ASAP2: variants seen among roughly 807,000 people sequenced by gnomAD.
The protein encoded by ASAP2 is ArfGAP with SH3 domain, ankyrin repeat and PH domain 2.
ASAP2 carries 45 observed loss-of-function variants against 131.4 expected under a neutral mutation model. The ratio of observed to expected loss-of-function variants is 0.34; its 90% confidence interval spans 0.27 to 0.44. The LOEUF is 0.44. Ranked by LOEUF, ASAP2 falls within the 20% of genes least tolerant of loss-of-function variation. ASAP2 has a pLI of 1.00. For synonymous variants in ASAP2, 510 were observed against 503.0 expected, an observed-to-expected ratio of 1.01 and a Z score of -0.19; for missense variants, 1,011 against 1,297.0, an observed-to-expected ratio of 0.78 and a Z score of 3.39.
At chr2:9,249,585 A>T (rs1461636740) in intron 1 of ASAP2, among the ~76,000 whole-genome samples, 2 of 152,234 alleles carry the variant, frequency 1.3e-5, no homozygotes, top group Non-Finnish European at 2.9e-5. Flanking sequence ...AGGAAATGCC[A>T]GGCTGACCCA....
At chr2:9,218,165 C>T (rs1485607736) in intron 1 of ASAP2, among the ~76,000 whole-genome samples, 8 of 152,138 alleles carry the variant, frequency 5.3e-5, no homozygotes, top group Admixed American at 2.0e-4. Context: ...ACCTGTCAGT[C>T]TCCTGCTGGG....
Position 9,323,256 on chromosome 2 carries a change from G to A in ASAP2, c.600+6G>A. 1 of 1,614,160 alleles carries A rather than the reference G, an allele frequency of 6.2e-7. No homozygotes were observed. The highest frequency in any genetic ancestry group is 1.3e-5 in the African/African-American group (1 of 75,066). ...TCCAGCTACAGATGTGCGAGGTAAGGCGGTGGTGAAGGCAGGTCCTACAGC... is the reference window on the plus strand; with the variant it reads ...TCCAGCTACAGATGTGCGAGGTAAGACGGTGGTGAAGGCAGGTCCTACAGC... On this transcript the variant is annotated splice_donor_region_variant and intron_variant, in intron 6 of 27. Transcript: ENST00000281419.
intron 1 of ASAP2, among the ~76,000 whole-genome samples, chr2:9,254,349 T>G (rs958618574): frequency 7.4e-6 from 1 of 135,284 alleles, no homozygotes; most frequent in African/African-American, 2.8e-5. Flanking sequence ...ATTTATAAAC[T>G]AAACTTTTTT....
chr2:9,334,688 T>A (rs1558341195), intron 7 of ASAP2, 50 bp from the exon 8 acceptor site: 1 of 1,551,686 alleles, frequency 6.4e-7, no homozygotes, highest in Non-Finnish European at 8.9e-7. Context: ...CTGACAAAAT[T>A]ATTTTTTCCT....
Position 9,224,877 on chromosome 2 carries a change from G to A in ASAP2, c.126+17647G>A, listed in dbSNP as rs369759514. Among the ~76,000 whole-genome samples, 11 of 152,330 alleles carry A rather than the reference G, an allele frequency of 7.2e-5. No individual in the cohort carries two copies. In the South Asian group the frequency reaches 2.3e-3, roughly 32 times the overall value. On this transcript the variant is annotated intron_variant, in intron 1 of 27. Transcript: ENST00000281419. ...TACATCTGGGAAGCACAGTGGTCGT[G>A]CCCACAGCTGTCAGGCTCCTTGCAT...
intron 21 of ASAP2, among the ~76,000 whole-genome samples, chr2:9,387,914 G>A (rs2148779032): frequency 6.6e-6 from 1 of 152,300 alleles, no homozygotes; most frequent in African/African-American, 2.4e-5. Flanking sequence ...GAGCAAGCGA[G>A]AGCAGGGAAA....
At chr2:9,296,103 G>A (rs1668134949) in intron 2 of ASAP2, among the ~76,000 whole-genome samples, 1 of 152,214 alleles carries the variant, frequency 6.6e-6, no homozygotes, top group South Asian at 2.1e-4. Context: ...GCTGTCTCTG[G>A]TGGAGTTCAC....
At position 9,400,839 on chromosome 2, in the gene ASAP2, C is replaced by G. The variant is rs375420769; in HGVS notation, c.2823+9C>G. ...CTAGGAAGTCGCAGGCAGTAAGTGA[C>G]GAGCCCCCTTTCCTGCCTCTCTGCT... On this transcript the variant is annotated intron_variant, in intron 26 of 27. Coordinates refer to ENST00000281419, the MANE Select transcript of ASAP2 (RefSeq NM_003887.3). The G allele has an allele frequency of 2.5e-6, 4 of 1,611,494 alleles. No individual in the cohort carries two copies. In the South Asian group the frequency reaches 4.4e-5, roughly 18 times the overall value.
chr2:9,297,470 C>T (rs767402695), intron 3 of ASAP2, 25 bp downstream of exon 3: 8 of 1,612,228 alleles, frequency 5.0e-6, no homozygotes, highest in Non-Finnish European at 6.8e-6. Context: ...GTATGAAATG[C>T]TGCGGTTACT....
chr2:9,264,216 T>G (rs1233011818), intron 1 of ASAP2, among the ~76,000 whole-genome samples: 1 of 148,958 alleles, frequency 6.7e-6, no homozygotes, highest in African/African-American at 2.5e-5. Flanking sequence ...ATAATAATAA[T>G]AATAATAAAC....
At position 9,389,199 on chromosome 2, in the gene ASAP2, C is replaced by G. The variant is rs545916528; in HGVS notation, c.2383+653C>G. Among the ~76,000 whole-genome samples the G allele has an allele frequency of 1.4e-4, 21 of 152,226 alleles. No homozygotes were observed. The highest frequency in any genetic ancestry group is 2.6e-4 in the Non-Finnish European group (18 of 68,040). On this transcript the variant is annotated intron_variant, in intron 22 of 27. Coordinates refer to ENST00000281419, the MANE Select transcript of ASAP2 (RefSeq NM_003887.3). The surrounding 1 kb of genome is among the most constrained non-coding windows in gnomAD (Gnocchi z 4.7). ...TAATTTGTTCATTCCTGAAGAGCAG[C>G]TGGCTACGGTGCTTCTTGAAGGCAG...
chr2:9,209,592 G>A (rs572239108), intron 1 of ASAP2, among the ~76,000 whole-genome samples: 3 of 152,236 alleles, frequency 2.0e-5, no homozygotes, highest in East Asian at 3.9e-4. Context: ...TATTTGTTAC[G>A]GAGTTTTGCT....
intron 3 of ASAP2, among the ~76,000 whole-genome samples, chr2:9,303,266 G>C (rs1388405190): frequency 6.6e-6 from 1 of 152,218 alleles, no homozygotes; most frequent in African/African-American, 2.4e-5. Context: ...GGGTACGTGG[G>C]AATATCCGCC....
intron 7 of ASAP2, among the ~76,000 whole-genome samples, chr2:9,329,624 G>A (rs751244068): frequency 6.6e-6 from 1 of 152,214 alleles, no homozygotes; most frequent in Non-Finnish European, 1.5e-5. Flanking sequence ...GCAATTGCTT[G>A]TGTACACAGC....
intron 1 of ASAP2, among the ~76,000 whole-genome samples, chr2:9,253,264 A>G (rs975455710): frequency 6.6e-6 from 1 of 151,934 alleles, no homozygotes; most frequent in Non-Finnish European, 1.5e-5. Context: ...CCTGGGTTCA[A>G]GCGATTCTCG....
intron 11 of ASAP2, among the ~76,000 whole-genome samples, chr2:9,347,597 T>C (rs2148618203): frequency 6.6e-6 from 1 of 152,224 alleles, no homozygotes; most frequent in South Asian, 2.1e-4. Context: ...GAAATGAAGT[T>C]GTTGTATTCT....
At chr2:9,335,469 G>A (rs940683224) in intron 9 of ASAP2, among the ~76,000 whole-genome samples, 2 of 152,214 alleles carry the variant, frequency 1.3e-5, no homozygotes, top group African/African-American at 4.8e-5. Context: ...TCGTCACAGA[G>A]ACCATGTGTC....
chr2:9,331,735 C>T (rs1040895650), intron 7 of ASAP2, among the ~76,000 whole-genome samples: 44 of 151,926 alleles, frequency 2.9e-4, no homozygotes, highest in African/African-American at 1.1e-3. Context: ...GCTGCTGCAC[C>T]CCAGCCTGGG....
chr2:9,330,070 G>A (rs1318028497), intron 7 of ASAP2, among the ~76,000 whole-genome samples: 2 of 152,162 alleles, frequency 1.3e-5, no homozygotes, highest in South Asian at 2.1e-4. Context: ...TACCTGGCAC[G>A]TATTTGCAGC....
Sources: allele counts gnomAD v4.1 joint callset (sites outside exome capture counted in the v4.1 genomes callset), GRCh38; gene constraint gnomAD v4.1.1; non-coding constraint Gnocchi (gnomAD v3.1); transcripts MANE v1.5; gene names NCBI Gene and HGNC (gene_info 2026-07-23, HGNC 2026-07-21).